The following ME3 variants were observed in gnomAD, a reference collection of about 807,000 sequenced individuals.
ME3 encodes malic enzyme 3.
In ME3, 48 loss-of-function variants were observed where a neutral mutation model predicts 68.9. The ratio of observed to expected loss-of-function variants is 0.70; its 90% CI spans 0.55 to 0.89. The LOEUF (loss-of-function observed/expected upper bound fraction) is 0.89, where lower values mean the gene tolerates loss of function less well. Ranked by LOEUF, ME3 falls within the 40% of genes least tolerant of loss-of-function variation. ME3 has a pLI of 0.00. For synonymous variants in ME3, 320 were observed against 318.8 expected (o/e 1.00, Z -0.04); for missense variants, 675 against 797.4 (o/e 0.85, Z 1.85).
intron 6 of ME3, among the ~76,000 whole-genome samples, chr11:86,489,369 G>A (rs1951865595): frequency 6.6e-6 from 1 of 152,154 alleles, no homozygotes; most frequent in Non-Finnish European, 1.5e-5. Context: ...TGATCAAGTG[G>A]AAAAATATAT....
intron 13 of ME3, among the ~76,000 whole-genome samples, chr11:86,443,272 G>A (rs1047302862): frequency 3.3e-5 from 5 of 152,166 alleles, no homozygotes; most frequent in Admixed American, 1.3e-4. Flanking sequence ...CTCACTTCCT[G>A]GGTCCCAGCC....
chr11:86,529,150 C>G (rs185587617), intron 4 of ME3, among the ~76,000 whole-genome samples: 4 of 151,820 alleles, frequency 2.6e-5, no homozygotes, highest in Non-Finnish European at 5.9e-5. Context: ...ATCAAATAGA[C>G]GCAATAAAAA....
intron 2 of ME3, among the ~76,000 whole-genome samples, chr11:86,582,490 T>C (rs1355582814): frequency 6.6e-6 from 1 of 152,132 alleles, no homozygotes; most frequent in African/African-American, 2.4e-5. Flanking sequence ...ATGCTAATCC[T>C]TAACACACAT....
At chr11:86,584,797 G>A (rs1381116000) in intron 2 of ME3, among the ~76,000 whole-genome samples, 2 of 152,130 alleles carry the variant, frequency 1.3e-5, no homozygotes, top group Non-Finnish European at 2.9e-5. Context: ...AGAGGTAGGA[G>A]GAAATGGGAA....
intron 4 of ME3, among the ~76,000 whole-genome samples, chr11:86,543,624 A>AC (rs1368065414): frequency 6.6e-6 from 1 of 152,206 alleles, no homozygotes; most frequent in Non-Finnish European, 1.5e-5. Context: ...ATATATATGC[A>AC]CCCAATACAG....
intron 5 of ME3, among the ~76,000 whole-genome samples, chr11:86,507,231 A>G (rs1311387425): frequency 6.6e-6 from 1 of 152,190 alleles, no homozygotes; most frequent in East Asian, 1.9e-4. Flanking sequence ...GGGCAGGGAA[A>G]AAGAGAGAGA....
intron 8 of ME3, among the ~76,000 whole-genome samples, chr11:86,454,551 C>A (rs1949811791): frequency 6.6e-6 from 1 of 152,204 alleles, no homozygotes; most frequent in African/African-American, 2.4e-5. Flanking sequence ...GTTCCAAGTA[C>A]TTTATATGTC....
At position 86,629,703 on chromosome 11, in the gene ME3, C is replaced by G. The variant is rs561416193; in HGVS notation, c.183+42059G>C. On this transcript the variant is annotated intron_variant, in intron 2 of 14. Coordinates refer to ENST00000543262, the Ensembl canonical transcript of ME3. ...TTTGTTTCCAGAGTTCAAGAGTAGT[C>G]CTGAGGACACAAGCCAGGAGTATTT... Among the ~76,000 whole-genome samples the G allele has an allele frequency of 3.9e-5, 6 of 152,240 alleles. No homozygotes were observed. In the South Asian group the frequency reaches 1.0e-3, roughly 26 times the overall value.
At chr11:86,534,107 A>ATATAT (rs1336103492) in intron 4 of ME3, among the ~76,000 whole-genome samples, 16 of 139,154 alleles carry the variant, frequency 1.1e-4, no homozygotes, top group African/African-American at 3.8e-4. Flanking sequence ...ATATATATAT[A>ATATAT]TATGTAAAAT....
At chr11:86,614,440 C>T (rs530653051) in intron 2 of ME3, among the ~76,000 whole-genome samples, 8 of 152,246 alleles carry the variant, frequency 5.3e-5, no homozygotes, top group African/African-American at 1.9e-4. Context: ...TGGATTTTGC[C>T]TTTGCTGTGA....
intron 5 of ME3, among the ~76,000 whole-genome samples, chr11:86,502,117 T>G (rs1032385249): frequency 3.9e-5 from 6 of 152,348 alleles, no homozygotes; most frequent in African/African-American, 1.4e-4. Flanking sequence ...AACTGAAATA[T>G]TTCCAATTTT....
intron 13 of ME3, among the ~76,000 whole-genome samples, chr11:86,446,093 C>A (rs946038943): frequency 6.6e-6 from 1 of 152,126 alleles, no homozygotes; most frequent in African/African-American, 2.4e-5. Context: ...TTGCTAATAC[C>A]CTTCACCACT....
At chr11:86,578,279 A>G (rs560195869) in intron 2 of ME3, among the ~76,000 whole-genome samples, 1 of 152,280 alleles carries the variant, frequency 6.6e-6, no homozygotes, top group South Asian at 2.1e-4. Flanking sequence ...AAGTAATAGC[A>G]GAGGAAGGTT....
chr11:86,593,999 T>A (rs7105382), intron 2 of ME3, among the ~76,000 whole-genome samples: 104,695 of 145,052 alleles, frequency 0.72, 40,853 homozygotes, highest in Non-Finnish European at 0.76. Context: ...TGACTCATTC[T>A]TTCATTCAAC....
intron 5 of ME3, among the ~76,000 whole-genome samples, chr11:86,502,769 G>T (rs1308323017): frequency 6.6e-6 from 1 of 152,186 alleles, no homozygotes; most frequent in Non-Finnish European, 1.5e-5. Flanking sequence ...TGGCTCAGGG[G>T]AGGTTTGGGG....
At chr11:86,530,517 C>T (rs1183499552) in intron 4 of ME3, among the ~76,000 whole-genome samples, 1 of 152,086 alleles carries the variant, frequency 6.6e-6, no homozygotes, top group Non-Finnish European at 1.5e-5. Context: ...TCATATGGAA[C>T]CAAAAAATAG....
intron 10 of ME3, 80 bp downstream of exon 10, chr11:86,449,809 C>T (rs1949532520): frequency 9.7e-7 from 1 of 1,028,988 alleles, no homozygotes; most frequent in African/African-American, 1.6e-5. Context: ...GAGCAGTTGA[C>T]TTCTTGGAGA....
At chr11:86,521,781 G>T (rs1387863533) in intron 4 of ME3, among the ~76,000 whole-genome samples, 2 of 152,096 alleles carry the variant, frequency 1.3e-5, no homozygotes, top group East Asian at 1.9e-4. Context: ...CATTTTCTAG[G>T]TGTCTACTAT....
At chr11:86,489,161 A>C (rs1455247803) in intron 6 of ME3, 2 of 152,160 alleles carry the variant, frequency 1.3e-5, no homozygotes, top group African/African-American at 2.4e-5. Context: ...TGTTGTCTTC[A>C]TCTCCATCTG....
Sources: allele counts gnomAD v4.1 joint callset (sites outside exome capture counted in the v4.1 genomes callset), GRCh38; gene constraint gnomAD v4.1.1; transcripts MANE v1.5; gene names NCBI Gene and HGNC (gene_info 2026-07-23, HGNC 2026-07-21).